Variants in GPM6A observed in about 807,000 individuals in gnomAD.
GPM6A encodes glycoprotein M6A.
GPM6A carries 7 observed loss-of-function variants against 32.1 expected under a neutral mutation model. The observed-to-expected ratio is 0.22, with a 90% confidence interval of 0.12 to 0.41. The LOEUF (loss-of-function observed/expected upper bound fraction) is 0.41. Ranked by LOEUF, GPM6A falls within the 10% of genes least tolerant of loss-of-function variation. The probability of loss-of-function intolerance (pLI) is 1.00; values close to 1 mark genes in which losing one functional copy is unlikely to be tolerated. For synonymous variants in GPM6A, 130 were observed against 123.4 expected, an observed-to-expected ratio of 1.05 and a Z score of -0.35; for missense variants, 235 against 347.2, an observed-to-expected ratio of 0.68 and a Z score of 2.57.
At chr4:175,725,452 C>G (rs191857164) in intron 1 of GPM6A, among the ~76,000 whole-genome samples, 67 of 152,056 alleles carry the variant, frequency 4.4e-4, no homozygotes, top group Non-Finnish European at 8.4e-4. Flanking sequence ...ACCACCACAC[C>G]TGGCTAAATT....
chr4:175,944,539 A>G (rs1304869406), intron 1 of GPM6A, among the ~76,000 whole-genome samples: 1 of 152,218 alleles, frequency 6.6e-6, no homozygotes, highest in Non-Finnish European at 1.5e-5. Flanking sequence ...ACATATACAC[A>G]CACGTACAAG....
At chr4:175,817,493 A>G (rs1173569351) in intron 1 of GPM6A, among the ~76,000 whole-genome samples, 1 of 152,244 alleles carries the variant, frequency 6.6e-6, no homozygotes, top group African/African-American at 2.4e-5. Context: ...ATAAAGATGC[A>G]TTGGATGGCA....
At chr4:175,749,740 C>T (rs949122088) in intron 1 of GPM6A, among the ~76,000 whole-genome samples, 1 of 152,144 alleles carries the variant, frequency 6.6e-6, no homozygotes, top group African/African-American at 2.4e-5. Flanking sequence ...ATCACCCTTA[C>T]TTTTTTATAT....
chr4:175,850,480 G>T (rs1005546985), intron 1 of GPM6A, among the ~76,000 whole-genome samples: 1 of 151,634 alleles, frequency 6.6e-6, no homozygotes, highest in Non-Finnish European at 1.5e-5. Context: ...CCACAAACAG[G>T]GGTGGGGTGA....
chr4:175,756,105 G>A (rs1392245135), intron 1 of GPM6A, among the ~76,000 whole-genome samples: 7 of 152,120 alleles, frequency 4.6e-5, no homozygotes, highest in African/African-American at 1.7e-4. Flanking sequence ...AGTTATTTAG[G>A]TGATTAAGAT....
chr4:175,736,088 C>T (rs553112470), intron 1 of GPM6A, among the ~76,000 whole-genome samples: 1 of 152,200 alleles, frequency 6.6e-6, no homozygotes, highest in Admixed American at 6.5e-5. Flanking sequence ...TGCAGTGGTG[C>T]AATCATAGCT....
At chr4:175,719,767 C>T (rs1476032113) in intron 1 of GPM6A, among the ~76,000 whole-genome samples, 2 of 152,096 alleles carry the variant, frequency 1.3e-5, no homozygotes, top group Non-Finnish European at 2.9e-5. Context: ...CAAGCAGTAT[C>T]TTTTCTCAGG....
At chr4:175,966,982 C>T (rs192122631) in intron 1 of GPM6A, among the ~76,000 whole-genome samples, 138 of 151,916 alleles carry the variant, frequency 9.1e-4, no homozygotes, top group Admixed American at 7.6e-3. Flanking sequence ...TACCTTAATA[C>T]CAGAACCATA....
At chr4:175,917,970 T>A (rs1282231740) in intron 1 of GPM6A, among the ~76,000 whole-genome samples, 1 of 152,096 alleles carries the variant, frequency 6.6e-6, no homozygotes. Flanking sequence ...AAAAAGTCTA[T>A]CTCATTTTAA....
chr4:175,921,854 T>C (rs1022703503), intron 1 of GPM6A, among the ~76,000 whole-genome samples: 2 of 152,194 alleles, frequency 1.3e-5, no homozygotes, highest in Non-Finnish European at 1.5e-5. Context: ...ACACAAATTA[T>C]ATTAGCCTTA....
chr4:175,896,670 C>T (rs901826249), intron 1 of GPM6A, among the ~76,000 whole-genome samples: 1 of 152,118 alleles, frequency 6.6e-6, no homozygotes, highest in Admixed American at 6.6e-5. Context: ...TTGCAAAAAT[C>T]TCCCCATTAG....
chr4:175,709,757 C>G (rs1332256947), intron 1 of GPM6A, among the ~76,000 whole-genome samples: 1 of 150,498 alleles, frequency 6.6e-6, no homozygotes, highest in Non-Finnish European at 1.5e-5. Flanking sequence ...AATTCAATGA[C>G]TTAAAACATC....
chr4:175,947,974 C>T (rs1274011084), intron 1 of GPM6A, among the ~76,000 whole-genome samples: 1 of 151,928 alleles, frequency 6.6e-6, no homozygotes, highest in Non-Finnish European at 1.5e-5. Context: ...GGAACAAAGC[C>T]CTACTTTTTT....
intron 2 of GPM6A, among the ~76,000 whole-genome samples, chr4:175,690,353 A>G (rs1300938003): frequency 1.3e-5 from 2 of 152,242 alleles, no homozygotes; most frequent in Admixed American, 6.5e-5. Context: ...CTGGCAGGAA[A>G]TGCTGCAATA....
intron 1 of GPM6A, among the ~76,000 whole-genome samples, chr4:175,876,260 G>C (rs1403807862): frequency 6.6e-6 from 1 of 152,124 alleles, no homozygotes; most frequent in Non-Finnish European, 1.5e-5. Flanking sequence ...GTTTCATGAA[G>C]TAGCTCATAT....
chr4:175,848,502 C>T (rs1392301943), intron 1 of GPM6A, among the ~76,000 whole-genome samples: 5 of 152,050 alleles, frequency 3.3e-5, no homozygotes, highest in Admixed American at 3.3e-4. Context: ...GGTAAAGAGC[C>T]AAACTTAGTT....
At chr4:175,893,610 A>T (rs529293230) in intron 1 of GPM6A, among the ~76,000 whole-genome samples, 3 of 152,160 alleles carry the variant, frequency 2.0e-5, no homozygotes, top group South Asian at 4.1e-4. Context: ...TTCCTCGGCC[A>T]GTTTTTCTTA....
chr4:175,990,521 C>T (rs926300551), intron 1 of GPM6A, among the ~76,000 whole-genome samples: 26 of 152,234 alleles, frequency 1.7e-4, no homozygotes, highest in African/African-American at 5.8e-4. Flanking sequence ...TCCTTCGTTA[C>T]GTCATTATGT....
At chr4:175,667,481 T>C (rs1042719071) in intron 3 of GPM6A, among the ~76,000 whole-genome samples, 1 of 152,156 alleles carries the variant, frequency 6.6e-6, no homozygotes, top group Non-Finnish European at 1.5e-5. Context: ...AAATGTAATA[T>C]GGTATCCCGA....
Sources: gnomAD v4.1 joint callset for allele counts (sites outside exome capture counted in the v4.1 genomes callset) on GRCh38, gnomAD v4.1.1 for gene constraint, MANE v1.5 for transcripts, NCBI Gene and HGNC (gene_info 2026-07-23, HGNC 2026-07-21) for gene names.